AHNAK2: variants seen among roughly 807,000 people sequenced by gnomAD.
AHNAK2 encodes AHNAK nucleoprotein 2, also known as protein AHNAK2.
AHNAK2 carries 18 observed loss-of-function variants against 30.7 expected under a neutral mutation model. That is an observed-to-expected ratio of 0.59 (90% CI 0.41 to 0.87). The LOEUF (loss-of-function observed/expected upper bound fraction) is 0.87. AHNAK2 is among the 40% of genes least tolerant of loss of function. AHNAK2 has a pLI of 0.00. For synonymous variants in AHNAK2, 3,590 were observed against 3,073.8 expected (o/e 1.17, Z -5.56); for missense variants, 8,604 against 7,373.0 (o/e 1.17, Z -6.11).
In AHNAK2 at chr14:104,948,578, T is replaced by C. The variant is rs759531556; in HGVS notation, c.6873A>G (p.Pro2291=). The change falls in exon 7 of 7, where the codon CCA becomes CCG. Residue 2291 remains proline (P), a synonymous_variant. Coordinates refer to ENST00000333244, the MANE Select transcript of AHNAK2 (RefSeq NM_138420.4). ...GCCGCGCACCATCCAGCTTGGCTCC[T>C]GGGGCCTTGACGTCCACCTCCACGC... ...LPSVEVDVKA[P]GAKLDGARLE... is the part of the protein sequence containing the mutation. The C allele has an allele frequency of 1.6e-5, 25 of 1,610,896 alleles. 1 individual carries two copies. The East Asian group carries it at 2.0e-4, about 13-fold the overall frequency.
Position 104,937,877 on chromosome 14 carries a change from T to G in AHNAK2, c.*186A>C. On this transcript the variant is annotated 3_prime_UTR_variant, in exon 7 of 7. Coordinates refer to ENST00000333244, the MANE Select transcript of AHNAK2 (RefSeq NM_138420.4). ...AAAGCTTTGAGGGAGCTGGGAAGCT[T>G]TGGTTCCATTTTAGGAGGGCTGTGT... The G allele has an allele frequency of 1.7e-6, 1 of 589,058 alleles. No homozygotes were observed. The highest frequency in any genetic ancestry group is 2.7e-6 in the Non-Finnish European group (1 of 366,578). 36.5% of individuals were successfully genotyped at this position (589,058 alleles called of 1,614,324 possible). A position where few individuals can be genotyped will look rare whatever the true frequency, so the allele number is the denominator to read the frequency against.
Position 104,940,870 on chromosome 14 carries a change from A to T in AHNAK2, c.14581T>A (p.Ser4861Thr). The change falls in exon 7 of 7, where the codon TCT (serine) becomes ACT (threonine). Residue 4861 changes from serine to threonine, a missense_variant. Ser to Thr is a moderately conservative substitution (Grantham distance 58). Transcript: ENST00000333244. The surrounding 1 kb of genome is among the most constrained non-coding windows in gnomAD (Gnocchi z 4.4). ...SMIPVSLGQV[S>T]FPKFYKPKFV... The stretch of plus-strand genomic sequence containing the variant: ...TTTGGTTTATAGAATTTAGGAAAAG[A>T]TACCTGACCAAGAGAAACAGGAATC... 1.2e-6 allele frequency: 2 copies of T among 1,612,988 alleles called. No individual in the cohort carries two copies. Among genetic ancestry groups the T allele is most frequent in the Non-Finnish European group, 1.7e-6 (2 of 1,179,786 alleles).
chr14:104,950,143 G>C lies in AHNAK2; in HGVS notation c.5308C>G (p.Leu1770Val). 1 of 1,586,512 alleles carries C rather than the reference G, an allele frequency of 6.3e-7. No individual in the cohort carries two copies. The highest frequency in any genetic ancestry group is 2.3e-5 in the East Asian group (1 of 44,406). ...QMDVKGPKLDLKGPKAEVMAP... is the reference protein window; with the variant it reads ...QMDVKGPKLDVKGPKAEVMAP... ...ATCACCTCCGCCTTGGGGCCTTTCA[G>C]GTCCAGCTTGGGGCCCTTGACGTCC... is the stretch of plus-strand genomic sequence containing the variant. The change falls in exon 7 of 7, where the codon CTG becomes GTG. Residue 1770 changes from leucine to valine, a missense_variant. Leu to Val is a conservative substitution (Grantham distance 32). Transcript: ENST00000333244.
At chr14:104,974,344 T>G (rs1899546523) in intron 1 of AHNAK2, among the ~76,000 whole-genome samples, 1 of 152,204 alleles carries the variant, frequency 6.6e-6, no homozygotes, top group African/African-American at 2.4e-5. Context: ...CTAAGACCTA[T>G]GGGGCTCCCC....
At position 104,941,457 on chromosome 14, in the gene AHNAK2, A is replaced by C; in HGVS notation, c.13994T>G (p.Phe4665Cys). The change falls in exon 7 of 7, where the codon TTT becomes TGT. Residue 4665 changes from phenylalanine to cysteine, a missense_variant. Coordinates refer to ENST00000333244, the MANE Select transcript of AHNAK2 (RefSeq NM_138420.4). Reference protein sequence around the residue: ...NVTFHEKTSTFPIVESVVHEG... With the variant: ...NVTFHEKTSTCPIVESVVHEG... ...ATGAACAACAGATTCCACAATGGGA[A>C]ATGTGGAAGTCTTCTCATGGAATGT... The C allele has an allele frequency of 6.2e-7, 1 of 1,612,562 alleles. No homozygotes were observed. The highest frequency in any genetic ancestry group is 1.1e-5 in the South Asian group (1 of 91,072).
chr14:104,963,111 G>A (rs753797515), intron 1 of AHNAK2, among the ~76,000 whole-genome samples: 18 of 152,322 alleles, frequency 1.2e-4, no homozygotes, highest in Middle Eastern at 3.4e-3. Context: ...TGGAGCCTGT[G>A]TACAACTCAA....
intron 2 of AHNAK2, 52 bp from the exon 3 acceptor site, chr14:104,957,560 G>A (rs886451806): frequency 6.3e-7 from 1 of 1,597,462 alleles, no homozygotes; most frequent in African/African-American, 1.3e-5. Flanking sequence ...CCAGGGCCCA[G>A]GGAGAATGGG....
In AHNAK2 at chr14:104,940,651, C is replaced by T; in HGVS notation, c.14800G>A (p.Val4934Met). ...ELVASLQTSV[V>M]APGEAPSEDA... ...TCAGAAGGGGCTTCTCCAGGGGCCA[C>T]TACTGATGTCTGCAAGGAGGCCACA... The change falls in exon 7 of 7, where the codon GTG becomes ATG. Residue 4934 changes from valine to methionine, a missense_variant. By Grantham distance (21) the Val-to-Met change is conservative. Coordinates refer to ENST00000333244, the MANE Select transcript of AHNAK2 (RefSeq NM_138420.4). This position sits in a 1 kb window ranked among gnomAD's most constrained non-coding sequence, Gnocchi z 4.4. The T allele has an allele frequency of 6.2e-7, 1 of 1,613,546 alleles. No homozygotes were observed. Among genetic ancestry groups the T allele is most frequent in the Non-Finnish European group, 8.5e-7 (1 of 1,179,884 alleles).
rs907277571 is a variant in AHNAK2, at chr14:104,946,509, G to A, written c.8942C>T (p.Pro2981Leu). 6 of 1,611,880 alleles carry A rather than the reference G, an allele frequency of 3.7e-6. No individual in the cohort carries two copies. In the African/African-American group the frequency reaches 6.7e-5, roughly 18 times the overall value. ...VTAKDSKFKM[P>L]KFKMPSFGVS... ...CCCGAACGACGGCATCTTGAACTTG[G>A]GCATTTTGAACTTGCTGTCTTTGGC... is the stretch of plus-strand genomic sequence containing the variant. Residue 2981 changes from proline to leucine, a missense_variant, in exon 7 of 7, where the codon CCC (proline) becomes CTC (leucine). Transcript: ENST00000333244.
At chr14:104,968,719 G>T (rs1452069961) in intron 1 of AHNAK2, among the ~76,000 whole-genome samples, 1 of 152,246 alleles carries the variant, frequency 6.6e-6, no homozygotes, top group Non-Finnish European at 1.5e-5. Context: ...CTCTCCAGTG[G>T]CCGGAAAAGT....
Position 104,955,008 on chromosome 14 carries a change from T to C in AHNAK2, c.600A>G (p.Glu200=). Residue 200 remains glutamate (E), a synonymous_variant, in exon 6 of 7, where the codon GAA becomes GAG. Coordinates refer to ENST00000333244, the MANE Select transcript of AHNAK2 (RefSeq NM_138420.4). ...IRRQLPAPQD[E]EWASSDAQHG... The stretch of plus-strand genomic sequence containing the variant: ...GCTGGGCATCGCTGGAAGCCCACTC[T>C]TCATCCTGTGGGGCAGGGAGCTGCC... The C allele has an allele frequency of 6.2e-7, 1 of 1,613,702 alleles. No homozygotes were observed. The highest frequency in any genetic ancestry group is 8.5e-7 in the Non-Finnish European group (1 of 1,179,878).
At chr14:104,971,910 G>C (rs1197955052) in intron 1 of AHNAK2, among the ~76,000 whole-genome samples, 1 of 152,260 alleles carries the variant, frequency 6.6e-6, no homozygotes, top group African/African-American at 2.4e-5. Context: ...CGAGGGGTCA[G>C]ACCCAGCCTG....
chr14:104,948,171 T>C lies in AHNAK2; in HGVS notation c.7280A>G (p.Lys2427Arg). 1 of 1,612,688 alleles carries C rather than the reference T, an allele frequency of 6.2e-7. No individual in the cohort carries two copies. Among genetic ancestry groups the C allele is most frequent in the Non-Finnish European group, 8.5e-7 (1 of 1,179,582 alleles). Reference sequence around the variant, plus strand: ...CGTCTTGGGGCCTTTCAGGTCCAGCTTGGGGCCCTTGACATCTATCTGGGG... The same window carrying C: ...CGTCTTGGGGCCTTTCAGGTCCAGCCTGGGGCCCTTGACATCTATCTGGGG... ...KGPQIDVKGPKLDLKGPKTDV... is the reference protein window; with the variant it reads ...KGPQIDVKGPRLDLKGPKTDV... Residue 2427 changes from lysine (K) to arginine (R), a missense_variant, in exon 7 of 7, where the codon AAG (lysine) becomes AGG (arginine). By Grantham distance (26) the Lys-to-Arg change is conservative. Coordinates refer to ENST00000333244, the MANE Select transcript of AHNAK2 (RefSeq NM_138420.4).
rs758218605 is a variant in AHNAK2 at position 104,943,355 on chromosome 14, C to T, written c.12096G>A (p.Val4032=). The change falls in exon 7 of 7, where the codon GTG becomes GTA. Residue 4032 remains valine, a synonymous_variant. Coordinates refer to ENST00000333244, the MANE Select transcript of AHNAK2 (RefSeq NM_138420.4). ...SADLEVQAGQ[V]DVKLPEGPVP... is the part of the protein sequence containing the mutation. ...CGGGGCCCTCTGGGAGTTTCACGTCCACTTGGCCAGCCTGGACCTCCAGGT... is the reference window on the plus strand; with the variant it reads ...CGGGGCCCTCTGGGAGTTTCACGTCTACTTGGCCAGCCTGGACCTCCAGGT... 4.3e-6 allele frequency: 7 copies of T among 1,612,920 alleles called. No individual in the cohort carries two copies. Among genetic ancestry groups the T allele is most frequent in the South Asian group, 1.1e-5 (1 of 91,042 alleles).
chr14:104,949,868 G>C lies in AHNAK2; in HGVS notation c.5583C>G (p.Ser1861=). 6.3e-7 allele frequency: 1 copy of C among 1,588,330 alleles called. No individual in the cohort carries two copies. Among genetic ancestry groups the C allele is most frequent in the South Asian group, 1.1e-5 (1 of 90,078 alleles). ...PKVEAEVSLP[S]MQGDLKTTDL... ...CCGTGGTCTTGAGGTCCCCCTGCAT[G>C]GAGGGGAGGCTCACTTCGGCCTCCA... Residue 1861 remains serine, a synonymous_variant, in exon 7 of 7, where the codon TCC becomes TCG. Coordinates refer to ENST00000333244, the MANE Select transcript of AHNAK2 (RefSeq NM_138420.4).
rs763725116 is a variant in AHNAK2, at chr14:104,943,438, G to A, written c.12013C>T (p.Pro4005Ser). The A allele has an allele frequency of 9.9e-6, 16 of 1,613,138 alleles. No individual in the cohort carries two copies. In the East Asian group the frequency reaches 1.8e-4, roughly 18 times the overall value. ...APKVEADVSLPSMQGDLKATD... is the reference protein window; with the variant it reads ...APKVEADVSLSSMQGDLKATD... Reference sequence around the variant, plus strand: ...GCCTTGAGGTCCCCCTGCATGGAAGGGAGGCTCACGTCGGCCTCCACCTTT... The same window carrying A: ...GCCTTGAGGTCCCCCTGCATGGAAGAGAGGCTCACGTCGGCCTCCACCTTT... Residue 4005 changes from proline to serine, a missense_variant, in exon 7 of 7, where the codon CCT becomes TCT. Physicochemically the swap from Pro to Ser is moderately conservative, Grantham distance 74 (BLOSUM62 -1). Transcript: ENST00000333244.
chr14:104,973,417 C>G (rs1899525440), intron 1 of AHNAK2, among the ~76,000 whole-genome samples: 1 of 152,184 alleles, frequency 6.6e-6, no homozygotes, highest in African/African-American at 2.4e-5. Context: ...CTGGCTCACC[C>G]AGGAGCCAGG....
intron 1 of AHNAK2, among the ~76,000 whole-genome samples, chr14:104,971,861 G>A (rs1301162615): frequency 6.6e-6 from 1 of 152,270 alleles, no homozygotes; most frequent in South Asian, 2.1e-4. Flanking sequence ...TCTGGAGCAG[G>A]CCCACACAGC....
intron 1 of AHNAK2, among the ~76,000 whole-genome samples, chr14:104,976,978 T>A (rs1355666676): frequency 6.6e-6 from 1 of 152,122 alleles, no homozygotes; most frequent in Admixed American, 6.5e-5. Context: ...CCAAACACCT[T>A]GGGCTCCCAT....
Sources: gnomAD v4.1 joint callset for allele counts (sites outside exome capture counted in the v4.1 genomes callset) on GRCh38, gnomAD v4.1.1 for gene constraint, Gnocchi (gnomAD v3.1) non-coding constraint, MANE v1.5 for transcripts, NCBI Gene and HGNC (gene_info 2026-07-23, HGNC 2026-07-21) for gene names.